MESD: variants seen among roughly 807,000 people sequenced by gnomAD.
The protein encoded by MESD is mesoderm development LRP chaperone, also known as LRP chaperone MESD.
In MESD, 7 loss-of-function variants were observed where a neutral mutation model predicts 12.9. The ratio of observed to expected loss-of-function variants is 0.54; its 90% CI spans 0.31 to 1.02. MESD has a LOEUF of 1.02. Among genes scored for constraint, MESD ranks in the 50% least tolerant of loss-of-function variants. The probability of loss-of-function intolerance (pLI) is 0.05; values close to 1 mark genes in which losing one functional copy is unlikely to be tolerated. For missense variants in MESD, 342 were observed against 296.7 expected, an observed-to-expected ratio of 1.15 and a Z score of -1.12; for synonymous variants, 126 against 115.6, an observed-to-expected ratio of 1.09 and a Z score of -0.58.
downstream of MESD, among the ~76,000 whole-genome samples, chr15:80,974,339 T>C (rs895571459): frequency 3.3e-5 from 5 of 149,740 alleles, no homozygotes; most frequent in African/African-American, 1.2e-4. Flanking sequence ...GTCTGCCTAA[T>C]AAGCATGAAT....
chr15:80,989,274 C>A (rs1893228824), intron 1 of MESD, among the ~76,000 whole-genome samples: 1 of 152,164 alleles, frequency 6.6e-6, no homozygotes. Context: ...ACAACCAGGG[C>A]ACTGAAGGGT....
At chr15:80,951,348 G>C (rs903670193) in intron 4 of MESD, 1 of 152,560 alleles carries the variant, frequency 6.6e-6, no homozygotes, top group Non-Finnish European at 1.5e-5. Context: ...CATTCACCAA[G>C]AGCCAATATC....
chr15:80,988,753 G>A (rs1347040565), intron 1 of MESD, among the ~76,000 whole-genome samples: 3 of 152,154 alleles, frequency 2.0e-5, no homozygotes, highest in Admixed American at 2.0e-4. Context: ...TCATGTTGCA[G>A]ATAAAGAAAC....
chr15:80,974,884 T>C (rs1172171051), downstream of MESD, among the ~76,000 whole-genome samples: 3 of 150,872 alleles, frequency 2.0e-5, no homozygotes, highest in African/African-American at 7.3e-5. Context: ...AATTTTTCAA[T>C]TAAAAAAAGA....
At chr15:80,952,635 T>G (rs1901871068) in intron 3 of MESD, among the ~76,000 whole-genome samples, 1 of 152,124 alleles carries the variant, frequency 6.6e-6, no homozygotes, top group Admixed American at 6.5e-5. Flanking sequence ...TGTGTGTGTG[T>G]GTGTATGTCT....
At chr15:80,971,334 T>C (rs145152196), downstream of MESD, among the ~76,000 whole-genome samples, 148 of 152,310 alleles carry the variant, frequency 9.7e-4, 3 homozygotes, top group South Asian at 0.013. Context: ...AGCATTCACA[T>C]GCAAAGCCCT....
At chr15:80,986,495 A>G (rs1218826228) in intron 1 of MESD, among the ~76,000 whole-genome samples, 1 of 152,242 alleles carries the variant, frequency 6.6e-6, no homozygotes, top group East Asian at 1.9e-4. Flanking sequence ...CATTTTATAC[A>G]TGTGTAGAAA....
chr15:80,979,159 A>G lies in MESD; in HGVS notation c.*60T>C, dbSNP rs560015792. ...TGCCTGAGACCACTCCCACCCCAGG[A>G]GCTGGGCAAAGAGCTCTCCACGTCC... On this transcript the variant is annotated 3_prime_UTR_variant, in exon 3 of 3. Coordinates refer to ENST00000261758, the MANE Select transcript of MESD (RefSeq NM_015154.3). 20 of 1,563,094 alleles carry G rather than the reference A, an allele frequency of 1.3e-5. No homozygotes were observed. The highest frequency in any genetic ancestry group is 4.5e-5 in the East Asian group (2 of 44,540).
rs932780581 is a variant in MESD, at chr15:80,976,943, G to C, written c.*2276C>G. 6.6e-6 allele frequency: 1 copy of C among 152,346 alleles called. No individual in the cohort carries two copies. The highest frequency in any genetic ancestry group is 1.5e-5 in the Non-Finnish European group (1 of 68,156). The allele number at this position is 152,346 out of a possible 1,614,324, so 9.4% of individuals were successfully genotyped here. A position where few individuals can be genotyped will look rare whatever the true frequency, so the allele number is the denominator to read the frequency against. ...CCCAGCTCACGGCTCACACCTGCTGGGGTCCTCTTCTGATCACTTCTCCTG... is the reference window on the plus strand; with the variant it reads ...CCCAGCTCACGGCTCACACCTGCTGCGGTCCTCTTCTGATCACTTCTCCTG... On this transcript the variant is annotated 3_prime_UTR_variant, in exon 3 of 3. Transcript: ENST00000261758.
intron 1 of MESD, among the ~76,000 whole-genome samples, chr15:80,987,521 C>G (rs1354015653): frequency 6.6e-6 from 1 of 151,182 alleles, no homozygotes. Flanking sequence ...CAGAGTCTCA[C>G]CCTGTCGCCC....
At chr15:80,947,532 A>G (rs1400026777) in exon 5 of MESD, 1 of 169,674 alleles carries the variant, frequency 5.9e-6, no homozygotes, top group African/African-American at 2.4e-5. Flanking sequence ...GAGAACCTAC[A>G]TGGCTTGTCC....
At position 80,978,957 on chromosome 15, in the gene MESD, A is replaced by G. The variant is rs1902496237; in HGVS notation, c.*262T>C. The G allele has an allele frequency of 1.9e-6, 1 of 514,716 alleles. No individual in the cohort carries two copies. The highest frequency in any genetic ancestry group is 3.3e-5 in the East Asian group (1 of 30,056). The allele number at this position is 514,716 out of a possible 1,614,324, so 31.9% of individuals were successfully genotyped here. A position where few individuals can be genotyped will look rare whatever the true frequency, so the allele number is the denominator to read the frequency against. ...AAGTGTAAATGGGAAAAAGCAACAC[A>G]GTCACATTTCCATGTAAGGAGATTT... is the stretch of plus-strand genomic sequence containing the variant. On this transcript the variant is annotated 3_prime_UTR_variant, in exon 3 of 3. Transcript: ENST00000261758.
At chr15:80,960,735 A>G (rs1403420044) in intron 3 of MESD, among the ~76,000 whole-genome samples, 1 of 152,204 alleles carries the variant, frequency 6.6e-6, no homozygotes, top group African/African-American at 2.4e-5. Context: ...AGTTTAAAAT[A>G]CATATCCCAG....
intron 3 of MESD, among the ~76,000 whole-genome samples, chr15:80,954,769 A>T (rs1901931558): frequency 6.6e-6 from 1 of 152,264 alleles, no homozygotes; most frequent in African/African-American, 2.4e-5. Context: ...AGTGGGCTAC[A>T]TGCAGCCCTG....
At chr15:80,965,833 T>C (rs748133773) in intron 3 of MESD, among the ~76,000 whole-genome samples, 5 of 151,998 alleles carry the variant, frequency 3.3e-5, no homozygotes, top group South Asian at 2.1e-4. Context: ...AGGATAGCAA[T>C]AGGAGAAATA....
chr15:80,974,768 C>G (rs1475318177), downstream of MESD, among the ~76,000 whole-genome samples: 1 of 145,748 alleles, frequency 6.9e-6, no homozygotes, highest in Non-Finnish European at 1.5e-5. Context: ...AAAAACAACA[C>G]TAAGACTTTT....
At chr15:80,948,033 A>T (rs1901636575) in exon 5 of MESD, 1 of 152,768 alleles carries the variant, frequency 6.5e-6, no homozygotes, top group South Asian at 2.1e-4. Context: ...AGGAGGACAT[A>T]AGGAAAAGAG....
In MESD at chr15:80,981,871, A is replaced by G. The variant is rs560188772; in HGVS notation, c.446+79T>C. 43 of 1,045,018 alleles carry G rather than the reference A, an allele frequency of 4.1e-5. No individual in the cohort carries two copies. In the African/African-American group the frequency reaches 6.5e-4, roughly 16 times the overall value. 64.7% of individuals were successfully genotyped at this position (1,045,018 alleles called of 1,614,324 possible). A position where few individuals can be genotyped will look rare whatever the true frequency, so the allele number is the denominator to read the frequency against. ...ACTCTGTCTCAAAAAAATCATCATC[A>G]TCATCATAATTAATAATAATAATAA... On this transcript the variant is annotated intron_variant, in intron 2 of 2. Transcript: ENST00000261758.
At chr15:80,986,977 G>C (rs369770968) in intron 1 of MESD, among the ~76,000 whole-genome samples, 1 of 152,230 alleles carries the variant, frequency 6.6e-6, no homozygotes, top group Non-Finnish European at 1.5e-5. Flanking sequence ...ATGATGTTCA[G>C]AGAGGATAAA....
Sources: allele counts gnomAD v4.1 joint callset (sites outside exome capture counted in the v4.1 genomes callset), GRCh38; gene constraint gnomAD v4.1.1; transcripts MANE v1.5; gene names NCBI Gene and HGNC (gene_info 2026-07-23, HGNC 2026-07-21).